DLX1: variants seen among roughly 807,000 people sequenced by gnomAD.
DLX1 encodes the protein homeobox protein DLX-1.
DLX1 carries 7 observed loss-of-function variants against 25.0 expected under a neutral mutation model. That is an observed-to-expected ratio of 0.28 (90% CI 0.16 to 0.52). The LOEUF (loss-of-function observed/expected upper bound fraction) is 0.52, where lower values mean the gene tolerates loss of function less well. Ranked by LOEUF, DLX1 falls within the 20% of genes least tolerant of loss-of-function variation. The pLI, the probability that DLX1 is intolerant of heterozygous loss-of-function variation, is 0.96. For synonymous variants in DLX1, 155 were observed against 140.3 expected, an observed-to-expected ratio of 1.10 and a Z score of -0.74; for missense variants, 233 against 334.4, an observed-to-expected ratio of 0.70 and a Z score of 2.37.
chr2:172,086,539 C>A, intron 1 of DLX1, 115 bp from the exon 2 acceptor site: 3 of 1,041,238 alleles, frequency 2.9e-6, no homozygotes, highest in East Asian at 5.1e-5. Context: ...GTTTCTTGAA[C>A]GTTCTCTCCC....
chr2:172,088,035 G>T lies in DLX1; in HGVS notation c.546G>T (p.Lys182Asn), dbSNP rs1221030903. 6.6e-7 allele frequency: 1 copy of T among 1,522,762 alleles called. No homozygotes were observed. Among genetic ancestry groups the T allele is most frequent in the African/African-American group, 1.4e-5 (1 of 71,404 alleles). The allele number at this position is 1,522,762 out of a possible 1,614,324, so 94.3% of individuals were successfully genotyped here. A position where few individuals can be genotyped will look rare whatever the true frequency, so the allele number is the denominator to read the frequency against. Residue 182 changes from lysine (K) to asparagine (N), a missense_variant, in exon 3 of 3, where the codon AAG (lysine) becomes AAT (asparagine). Physicochemically the swap from Lys to Asn is moderately conservative, Grantham distance 94 (BLOSUM62 0). Coordinates refer to ENST00000361725, the MANE Select transcript of DLX1 (RefSeq NM_178120.5). ...TCTGGTTCCAAAACAAGCGATCCAA[G>T]TTCAAGAAGCTGATGAAGCAGGGTG... Reference protein sequence around the residue: ...VKIWFQNKRSKFKKLMKQGGA... With the variant: ...VKIWFQNKRSNFKKLMKQGGA...
chr2:172,087,541 A>G (rs926333878), intron 2 of DLX1: 4 of 460,934 alleles, frequency 8.7e-6, no homozygotes, highest in African/African-American at 7.9e-5. Context: ...GTCCCAACTC[A>G]AGGGCAGAAA....
chr2:172,087,249 C>CCCT (rs567708856), intron 2 of DLX1: 3 of 397,438 alleles, frequency 7.5e-6, no homozygotes, highest in Non-Finnish European at 1.5e-5. Flanking sequence ...GCCTCAGCCT[C>CCCT]CCTCCTCCTC....
At position 172,085,616 on chromosome 2, in the gene DLX1, T is replaced by A. The variant is rs373295286; in HGVS notation, c.-62T>A. 1 of 1,532,364 alleles carries A rather than the reference T, an allele frequency of 6.5e-7. No individual in the cohort carries two copies. Among genetic ancestry groups the A allele is most frequent in the Admixed American group, 2.0e-5 (1 of 50,370 alleles). The allele number at this position is 1,532,364 out of a possible 1,614,324, so 94.9% of individuals were successfully genotyped here. ...GGGTTCCTTCCTGTCCTGAGAAACATAGAGACCCCCAAAAGGGAAGCAGAG... is the reference window on the plus strand; with the variant it reads ...GGGTTCCTTCCTGTCCTGAGAAACAAAGAGACCCCCAAAAGGGAAGCAGAG... On this transcript the variant is annotated 5_prime_UTR_variant, in exon 1 of 3. Transcript: ENST00000361725. This position sits in a 1 kb window ranked among gnomAD's most constrained non-coding sequence, Gnocchi z 4.3.
Position 172,088,269 on chromosome 2 carries a change from C to G in DLX1, c.*12C>G. 1.4e-6 allele frequency: 2 copies of G among 1,449,048 alleles called. No homozygotes were observed. The highest frequency in any genetic ancestry group is 1.5e-5 in the South Asian group (1 of 67,416). The allele number at this position is 1,449,048 out of a possible 1,614,324, so 89.8% of individuals were successfully genotyped here. A position where few individuals can be genotyped will look rare whatever the true frequency, so the allele number is the denominator to read the frequency against. On this transcript the variant is annotated 3_prime_UTR_variant, in exon 3 of 3. Transcript: ENST00000361725. ...CCCAACTTATGTGAGGTTGCCCGCC[C>G]GTCTCCTTCTTGTCTCCCCGGCCCA... is the stretch of plus-strand genomic sequence containing the variant.
Position 172,087,127 on chromosome 2 carries a change from G to C in DLX1, c.513+274G>C, listed in dbSNP as rs1010302702. The stretch of plus-strand genomic sequence containing the variant: ...CAGGAAGGATTTCCCCAGACGATTT[G>C]TTTGGGAACTCAGAGGTCACACGTG... On this transcript the variant is annotated intron_variant, in intron 2 of 2. Coordinates refer to ENST00000361725, the MANE Select transcript of DLX1 (RefSeq NM_178120.5). 1.5e-5 allele frequency: 10 copies of C among 674,210 alleles called. No homozygotes were observed. In the South Asian group the frequency reaches 1.5e-4, roughly 10 times the overall value. 41.8% of individuals were successfully genotyped at this position (674,210 alleles called of 1,614,324 possible).
At chr2:172,087,892 G>T (rs979213324) in intron 2 of DLX1, 111 bp from the exon 3 acceptor site, 15 of 1,420,846 alleles carry the variant, frequency 1.1e-5, no homozygotes, top group African/African-American at 1.4e-5. Context: ...GCCAGCTGGC[G>T]CAGGGTTGGG....
At chr2:172,086,902 G>T (rs992515679) in intron 2 of DLX1, 49 bp downstream of exon 2, 3 of 1,596,536 alleles carry the variant, frequency 1.9e-6, no homozygotes, top group Non-Finnish European at 2.6e-6. Flanking sequence ...TTCCGCGGCC[G>T]GCCTGCGCCC....
intron 1 of DLX1, 21 bp from the exon 2 acceptor site, chr2:172,086,633 C>T: frequency 6.6e-7 from 1 of 1,517,402 alleles, no homozygotes; most frequent in Non-Finnish European, 8.8e-7. Flanking sequence ...ACAACGGGCC[C>T]TACTTCTGCT....
rs200336628 is a variant in DLX1, at chr2:172,088,122, C to T, written c.633C>T (p.Pro211=). The T allele has an allele frequency of 3.1e-6, 5 of 1,608,686 alleles. No individual in the cohort carries two copies. Among genetic ancestry groups the T allele is most frequent in the African/African-American group, 1.3e-5 (1 of 74,616 alleles). The part of the protein sequence containing the change: ...NGRALSAGSP[P]VPPGWNPNSS... ...GGGCCCTGTCTGCTGGCTCCCCACC[C>T]GTGCCGCCCGGCTGGAACCCTAACT... The change falls in exon 3 of 3, where the codon CCC becomes CCT. Residue 211 remains proline (P), a synonymous_variant. Transcript: ENST00000361725.
intron 2 of DLX1, chr2:172,087,112 T>C: frequency 1.4e-6 from 1 of 689,810 alleles, no homozygotes; most frequent in South Asian, 1.5e-5. Context: ...CAGGAAGGAT[T>C]TCCCCAGACG....
intron 1 of DLX1, 86 bp from the exon 2 acceptor site, chr2:172,086,568 C>T: frequency 7.5e-7 from 1 of 1,334,878 alleles, no homozygotes; most frequent in South Asian, 1.5e-5. Context: ...CCTCCGCCAC[C>T]CTTCGGTAGC....
chr2:172,087,925 C>A (rs1017815128), intron 2 of DLX1, 78 bp from the exon 3 acceptor site: 1 of 1,499,004 alleles, frequency 6.7e-7, no homozygotes, highest in Non-Finnish European at 8.9e-7. Context: ...TGCTGTTCTG[C>A]GGTCCCTTTT....
rs1690905462 is a variant in DLX1 at position 172,088,395 on chromosome 2, C to T, written c.*138C>T. 9.4e-6 allele frequency: 11 copies of T among 1,169,274 alleles called. 1 individual carries two copies. In the South Asian group the frequency reaches 2.6e-4, roughly 27 times the overall value. 72.4% of individuals were successfully genotyped at this position (1,169,274 alleles called of 1,614,324 possible). On this transcript the variant is annotated 3_prime_UTR_variant, in exon 3 of 3. Coordinates refer to ENST00000361725, the MANE Select transcript of DLX1 (RefSeq NM_178120.5). ...GGGACGCCCTCCATCTCCTCGGAGC[C>T]CCGCGAGGTCCGGCCCAGCAACTTC...
Position 172,085,706 on chromosome 2 carries a change from T to G in DLX1, c.29T>G (p.Leu10Arg), listed in dbSNP as rs1045343815. 2 of 1,613,780 alleles carry G rather than the reference T, an allele frequency of 1.2e-6. No individual in the cohort carries two copies. The highest frequency in any genetic ancestry group is 2.7e-5 in the African/African-American group (2 of 74,862). MTMTTMPES[L>R]NSPVSGKAVF... is the part of the protein sequence containing the mutation. ...ACCATGACCACCATGCCAGAAAGTC[T>G]CAACAGCCCCGTGTCGGGCAAGGCG... Residue 10 changes from leucine to arginine, a missense_variant, in exon 1 of 3, where the codon CTC becomes CGC. Physicochemically the swap from Leu to Arg is moderately radical, Grantham distance 102. This residue lies in a region of DLX1 where 126 missense variants were observed against 170.4 expected (regional missense o/e 0.74). Transcript: ENST00000361725. This position sits in a 1 kb window ranked among gnomAD's most constrained non-coding sequence, Gnocchi z 4.3.
Position 172,086,694 on chromosome 2 carries a change from A to T in DLX1, c.354A>T (p.Glu118Asp). 6.4e-7 allele frequency: 1 copy of T among 1,561,946 alleles called. No individual in the cohort carries two copies. Among genetic ancestry groups the T allele is most frequent in the Non-Finnish European group, 8.7e-7 (1 of 1,151,704 alleles). Residue 118 changes from glutamate (E) to aspartate (D), a missense_variant, in exon 2 of 3, where the codon GAA becomes GAT. Physicochemically the swap from Glu to Asp is conservative, Grantham distance 45. This residue lies in a region of DLX1 where 126 missense variants were observed against 170.4 expected (regional missense o/e 0.74). Transcript: ENST00000361725. ...AGAGCACGGTGGTGGAAGGCGGTGA[A>T]GTGCGCTTCAATGGCAAGGGAAAAA... ...SEKSTVVEGGEVRFNGKGKKI... is the reference protein window; with the variant it reads ...SEKSTVVEGGDVRFNGKGKKI...
rs1200622733 is a variant in DLX1, at chr2:172,085,710, C to A, written c.33C>A (p.Asn11Lys). The change falls in exon 1 of 3, where the codon AAC (asparagine) becomes AAA (lysine). Residue 11 changes from asparagine (N) to lysine (K), a missense_variant. Coordinates refer to ENST00000361725, the MANE Select transcript of DLX1 (RefSeq NM_178120.5). This position sits in a 1 kb window ranked among gnomAD's most constrained non-coding sequence, Gnocchi z 4.3. ...TGACCACCATGCCAGAAAGTCTCAA[C>A]AGCCCCGTGTCGGGCAAGGCGGTGT... MTMTTMPESL[N>K]SPVSGKAVFM... The A allele has an allele frequency of 6.2e-7, 1 of 1,614,068 alleles. No homozygotes were observed. The highest frequency in any genetic ancestry group is 2.2e-5 in the East Asian group (1 of 44,878).
At position 172,085,956 on chromosome 2, in the gene DLX1, C is replaced by T. The variant is rs1410417533; in HGVS notation, c.279C>T (p.Ser93=). 1 of 1,613,546 alleles carries T rather than the reference C, an allele frequency of 6.2e-7. No individual in the cohort carries two copies. The highest frequency in any genetic ancestry group is 8.5e-7 in the Non-Finnish European group (1 of 1,179,674). The part of the protein sequence containing the change: ...YISSVQSYPG[S]ASLAQSRLED... ...GTTCGGTGCAGTCCTACCCGGGCAGCGCCAGCCTCGCCCAGAGCCGCCTGG... is the reference window on the plus strand; with the variant it reads ...GTTCGGTGCAGTCCTACCCGGGCAGTGCCAGCCTCGCCCAGAGCCGCCTGG... The change falls in exon 1 of 3, where the codon AGC becomes AGT. Residue 93 remains serine (S), a synonymous_variant. Coordinates refer to ENST00000361725, the MANE Select transcript of DLX1 (RefSeq NM_178120.5). The surrounding 1 kb of genome is among the most constrained non-coding windows in gnomAD (Gnocchi z 4.3).
rs1690875184 is a variant in DLX1, at chr2:172,087,881, T to C, written c.514-122T>C. ...TGTCTCTGCTTCTCTGGCAGGGAGC[T>C]GCCAGCTGGCGCAGGGTTGGGAGGT... On this transcript the variant is annotated intron_variant, in intron 2 of 2. Transcript: ENST00000361725. 1.1e-5 allele frequency: 15 copies of C among 1,366,034 alleles called. No individual in the cohort carries two copies. The East Asian group carries it at 3.5e-4, about 32-fold the overall frequency. The allele number at this position is 1,366,034 out of a possible 1,614,324, so 84.6% of individuals were successfully genotyped here.
Sources: allele counts gnomAD v4.1 joint callset, GRCh38; gene constraint gnomAD v4.1.1; regional missense constraint gnomAD v4.1.1; non-coding constraint Gnocchi (gnomAD v3.1); transcripts MANE v1.5; gene names NCBI Gene and HGNC (gene_info 2026-07-23, HGNC 2026-07-21).